Variants in ADCYAP1R1 observed in about 807,000 individuals in gnomAD.
The protein encoded by ADCYAP1R1 is ADCYAP receptor type I.
A neutral mutation model predicts 67.6 loss-of-function variants in ADCYAP1R1; 44 were observed. That is an observed-to-expected ratio of 0.65 (90% confidence interval 0.51 to 0.84). The LOEUF is 0.84. ADCYAP1R1 is among the 40% of genes least tolerant of loss of function. ADCYAP1R1 has a pLI of 0.00. For synonymous variants in ADCYAP1R1, 222 were observed against 219.6 expected, an observed-to-expected ratio of 1.01 and a Z score of -0.10; for missense variants, 477 against 587.9, an observed-to-expected ratio of 0.81 and a Z score of 1.95.
rs1796684232 is a variant in ADCYAP1R1, at chr7:31,107,211, GC to G, written c.*529del. Reference sequence around the variant, plus strand: ...CCAAGTCCCTGAAGCCTAGCAGAGGGCCAGCTCGGGTGGCCAGAACACCCCT... The same window carrying G: ...CCAAGTCCCTGAAGCCTAGCAGAGGGCAGCTCGGGTGGCCAGAACACCCCT... On this transcript the variant is annotated 3_prime_UTR_variant, in exon 16 of 16. Transcript: ENST00000304166. 6.6e-6 allele frequency: 1 copy of G among 152,476 alleles called. No individual in the cohort carries two copies. The highest frequency in any genetic ancestry group is 1.5e-5 in the Non-Finnish European group (1 of 68,288). 9.4% of individuals were successfully genotyped at this position (152,476 alleles called of 1,614,324 possible). A position where few individuals can be genotyped will look rare whatever the true frequency, so the allele number is the denominator to read the frequency against.
rs190469068 is a variant in ADCYAP1R1 at position 31,110,602 on chromosome 7, A to G, written c.*3918A>G. On this transcript the variant is annotated 3_prime_UTR_variant, in exon 16 of 16. Transcript: ENST00000304166. ...AATGTGACACTCAAAGCATCCATGC[A>G]GTACGCATGTAACCTTGCACAGGAG... is the stretch of plus-strand genomic sequence containing the variant. 1.4e-3 allele frequency: 207 copies of G among 152,740 alleles called. No individual in the cohort carries two copies. Among genetic ancestry groups the G allele is most frequent in the Non-Finnish European group, 2.4e-3 (161 of 68,048 alleles). The allele number at this position is 152,740 out of a possible 1,614,324, so 9.5% of individuals were successfully genotyped here.
rs1796805657 is a variant in ADCYAP1R1 at position 31,110,155 on chromosome 7, T to G, written c.*3471T>G. The G allele has an allele frequency of 6.6e-6, 1 of 151,024 alleles. No individual in the cohort carries two copies. Among genetic ancestry groups the G allele is most frequent in the African/African-American group, 2.4e-5 (1 of 40,820 alleles). 9.4% of individuals were successfully genotyped at this position (151,024 alleles called of 1,614,324 possible). ...CTCTCTCTCTCTTTTTTTTTTTTTT[T>G]GAGTAGTACCCTTGCCCTCTTCATG... On this transcript the variant is annotated 3_prime_UTR_variant, in exon 16 of 16. Transcript: ENST00000304166.
rs572508805 is a variant in ADCYAP1R1, at chr7:31,107,436, C to G, written c.*752C>G. Reference sequence around the variant, plus strand: ...AGAGCCAGAAATGTGGCTGTGATTGCGAAAGAGACGGAGTTTGGGAGACCC... The same window carrying G: ...AGAGCCAGAAATGTGGCTGTGATTGGGAAAGAGACGGAGTTTGGGAGACCC... On this transcript the variant is annotated 3_prime_UTR_variant, in exon 16 of 16. Transcript: ENST00000304166. 5.3e-5 allele frequency: 8 copies of G among 152,346 alleles called. No individual in the cohort carries two copies. The highest frequency in any genetic ancestry group is 1.0e-4 in the Non-Finnish European group (7 of 68,068). 9.4% of individuals were successfully genotyped at this position (152,346 alleles called of 1,614,324 possible).
At chr7:31,095,577 T>C (rs1000978134) in intron 13 of ADCYAP1R1, 4 of 711,170 alleles carry the variant, frequency 5.6e-6, no homozygotes, top group South Asian at 1.5e-5. Context: ...TGTGCCAGAG[T>C]CCCCTGGGGT....
intron 15 of ADCYAP1R1, among the ~76,000 whole-genome samples, chr7:31,105,510 G>A (rs1262645823): frequency 1.3e-5 from 2 of 152,234 alleles, no homozygotes; most frequent in South Asian, 2.1e-4. Flanking sequence ...GGGGTAAAGC[G>A]CTTGAGCACA....
intron 1 of ADCYAP1R1, among the ~76,000 whole-genome samples, chr7:31,058,070 C>G (rs1584471581): frequency 6.6e-6 from 1 of 152,334 alleles, no homozygotes; most frequent in East Asian, 1.9e-4. Context: ...GCAGAGGAAA[C>G]TGTGCTGCTC....
At position 31,107,000 on chromosome 7, in the gene ADCYAP1R1, C is replaced by A; in HGVS notation, c.*316C>A. On this transcript the variant is annotated 3_prime_UTR_variant, in exon 16 of 16. Coordinates refer to ENST00000304166, the MANE Select transcript of ADCYAP1R1 (RefSeq NM_001118.5). ...ACTTCCAGTCAGGTCTCAGCTCCAC[C>A]CCACTGTTTCTTGGTCAGCCTCAGT... The A allele has an allele frequency of 3.2e-6, 1 of 310,988 alleles. No individual in the cohort carries two copies. The highest frequency in any genetic ancestry group is 2.2e-5 in the African/African-American group (1 of 46,266). The allele number at this position is 310,988 out of a possible 1,614,324, so 19.3% of individuals were successfully genotyped here. A position where few individuals can be genotyped will look rare whatever the true frequency, so the allele number is the denominator to read the frequency against.
At chr7:31,085,586 G>A (rs1297398149) in intron 9 of ADCYAP1R1, 144 bp downstream of exon 9, 13 of 966,992 alleles carry the variant, frequency 1.3e-5, no homozygotes, top group East Asian at 2.7e-5. Context: ...CACCCCCCCG[G>A]TTTATGTGAA....
At chr7:31,069,604 G>A (rs1040230773) in intron 3 of ADCYAP1R1, among the ~76,000 whole-genome samples, 2 of 152,194 alleles carry the variant, frequency 1.3e-5, no homozygotes, top group Admixed American at 6.5e-5. Flanking sequence ...CACTGTGTGT[G>A]TGGCTGGGGG....
At chr7:31,105,210 G>A (rs1381056310) in intron 15 of ADCYAP1R1, among the ~76,000 whole-genome samples, 1 of 152,250 alleles carries the variant, frequency 6.6e-6, no homozygotes, top group African/African-American at 2.4e-5. Context: ...CTCCCTGGGA[G>A]GGTCCTCTCC....
chr7:31,097,506 C>G (rs923057435), intron 13 of ADCYAP1R1, among the ~76,000 whole-genome samples: 2 of 152,284 alleles, frequency 1.3e-5, no homozygotes, highest in African/African-American at 4.8e-5. Flanking sequence ...GACCCATCTC[C>G]TTCAAGAGCC....
chr7:31,091,084 GT>G (rs1795945056), intron 12 of ADCYAP1R1, among the ~76,000 whole-genome samples: 1 of 152,090 alleles, frequency 6.6e-6, no homozygotes, highest in Admixed American at 6.5e-5. Flanking sequence ...AGCATCTGTT[GT>G]CTTTTGACTT....
Position 31,106,649 on chromosome 7 carries a change from A to G in ADCYAP1R1, c.1372A>G (p.Met458Val). ...ILSKSSSQIR[M>V]SGLPADNLAT ...GAGCAAGAGCAGCTCCCAAATCCGC[A>G]TGTCTGGCCTCCCTGCTGACAATCT... The change falls in exon 16 of 16, where the codon ATG becomes GTG. Residue 458 changes from methionine (M) to valine (V), a missense_variant. Met to Val is a conservative substitution (Grantham distance 21). Transcript: ENST00000304166. 1.2e-6 allele frequency: 2 copies of G among 1,612,072 alleles called. No homozygotes were observed. Among genetic ancestry groups the G allele is most frequent in the Non-Finnish European group, 1.7e-6 (2 of 1,178,970 alleles).
intron 3 of ADCYAP1R1, among the ~76,000 whole-genome samples, chr7:31,067,329 T>TGGGAAAGA (rs1794778191): frequency 6.6e-6 from 1 of 152,090 alleles, no homozygotes; most frequent in Non-Finnish European, 1.5e-5. Context: ...AGCCATTAGG[T>TGGGAAAGA]GGGAAAGAGG....
chr7:31,088,850 T>A (rs1795854314), intron 12 of ADCYAP1R1, among the ~76,000 whole-genome samples: 1 of 152,204 alleles, frequency 6.6e-6, no homozygotes, highest in African/African-American at 2.4e-5. Context: ...TTACTGTTTC[T>A]GGTGTACTTT....
rs1006935773 is a variant in ADCYAP1R1, at chr7:31,107,942, C to T, written c.*1258C>T. 2.1e-4 allele frequency: 32 copies of T among 152,280 alleles called. 1 individual carries two copies. The highest frequency in any genetic ancestry group is 7.5e-4 in the African/African-American group (31 of 41,462). 9.4% of individuals were successfully genotyped at this position (152,280 alleles called of 1,614,324 possible). ...TGTGGCAGCTGCTCCCTACCACCCG[C>T]CCTGGCTCCCCAGCTGCAGGTTGCA... is the stretch of plus-strand genomic sequence containing the variant. On this transcript the variant is annotated 3_prime_UTR_variant, in exon 16 of 16. Transcript: ENST00000304166.
chr7:31,062,397 C>T (rs1397238436), intron 1 of ADCYAP1R1, among the ~76,000 whole-genome samples: 1 of 152,202 alleles, frequency 6.6e-6, no homozygotes, highest in Non-Finnish European at 1.5e-5. Context: ...TTTAAGACTT[C>T]ATCCCGAAGA....
chr7:31,078,469 G>A (rs192134009), intron 4 of ADCYAP1R1, among the ~76,000 whole-genome samples: 2 of 152,336 alleles, frequency 1.3e-5, no homozygotes, highest in African/African-American at 2.4e-5. Context: ...AGGACTTGGC[G>A]CGCTTTGAAC....
chr7:31,104,748 A>C, intron 14 of ADCYAP1R1, 120 bp from the exon 15 acceptor site: 1 of 1,098,384 alleles, frequency 9.1e-7, no homozygotes, highest in Non-Finnish European at 1.4e-6. Context: ...ATCCCTGGGC[A>C]GGTGCCCCCA....
Sources: gnomAD v4.1 joint callset for allele counts (sites outside exome capture counted in the v4.1 genomes callset) on GRCh38, gnomAD v4.1.1 for gene constraint, MANE v1.5 for transcripts, NCBI Gene and HGNC (gene_info 2026-07-23, HGNC 2026-07-21) for gene names.